Variants in DMD observed in about 807,000 individuals in gnomAD.
The protein encoded by DMD is dystrophin, also known as mutant dystrophin.
A neutral mutation model predicts 330.1 loss-of-function variants in DMD; 63 were observed. The observed-to-expected ratio is 0.19, with a 90% CI of 0.16 to 0.24. The LOEUF is 0.24. Among genes scored for constraint, DMD ranks in the 10% least tolerant of loss-of-function variants. DMD has a pLI of 1.00. For missense variants in DMD, 3,344 were observed against 2,684.1 expected, an observed-to-expected ratio of 1.25 and a Z score of -5.43; for synonymous variants, 1,223 against 959.8, an observed-to-expected ratio of 1.27 and a Z score of -5.07.
At chrX:32,271,581 G>A (rs2097365250) in intron 43 of DMD, among the ~76,000 whole-genome samples, 1 of 112,856 alleles carries the variant, frequency 8.9e-6, no homozygotes, top group Non-Finnish European at 1.9e-5. Context: ...TAAAGCGTTA[G>A]AATTTCATAA....
intron 60 of DMD, among the ~76,000 whole-genome samples, chrX:31,378,263 C>T (rs990017197): frequency 1.8e-5 from 2 of 111,583 alleles, no homozygotes; most frequent in Non-Finnish European, 3.8e-5. Context: ...GATCCACCTA[C>T]GACCTCTGGT....
At chrX:32,960,840 T>C (rs1448772942) in intron 2 of DMD, among the ~76,000 whole-genome samples, 1 of 101,041 alleles carries the variant, frequency 9.9e-6, no homozygotes, top group Non-Finnish European at 2.0e-5. Flanking sequence ...GGTCACATCA[T>C]ATAGATAAAA....
intron 2 of DMD, among the ~76,000 whole-genome samples, chrX:33,018,542 G>C (rs1345641408): frequency 9.0e-6 from 1 of 111,587 alleles, no homozygotes. Context: ...ACAGAGCGAA[G>C]ATCTATTTCA....
At chrX:31,313,425 C>A (rs2055700091) in intron 62 of DMD, among the ~76,000 whole-genome samples, 1 of 111,762 alleles carries the variant, frequency 8.9e-6, no homozygotes, top group Non-Finnish European at 1.9e-5. Context: ...GGATTGGCCA[C>A]ATTTGGTTAT....
chrX:31,694,814 A>G (rs1486216368), intron 52 of DMD, among the ~76,000 whole-genome samples: 1 of 108,574 alleles, frequency 9.2e-6, no homozygotes, highest in Non-Finnish European at 1.9e-5. Context: ...CTTATCCACT[A>G]TTGGTAGTAT....
At chrX:33,137,395 G>C (rs1456168090) in intron 1 of DMD, among the ~76,000 whole-genome samples, 4 of 111,706 alleles carry the variant, frequency 3.6e-5, no homozygotes, top group Admixed American at 9.6e-5. Flanking sequence ...TGTGGTTTCA[G>C]CTTCTAGTTT....
chrX:33,308,292 C>A (rs780249381), intron 1 of DMD, among the ~76,000 whole-genome samples: 3 of 112,081 alleles, frequency 2.7e-5, no homozygotes, highest in South Asian at 7.4e-4. Context: ...CCAGTCTTTG[C>A]CCAACTTTGG....
rs186227285 is a variant in DMD, at chrX:31,944,803, T to C, written c.6615-12576A>G. On this transcript the variant is annotated intron_variant, in intron 45 of 78. Coordinates refer to ENST00000357033, the MANE Select transcript of DMD (RefSeq NM_004006.3). Reference sequence around the variant, plus strand: ...GATTACAGGCGTGAGGCACCGCGCCTGGCCAAGATAATTTTTTTTGTAGAA... The same window carrying C: ...GATTACAGGCGTGAGGCACCGCGCCCGGCCAAGATAATTTTTTTTGTAGAA... Among the ~76,000 whole-genome samples, 407 of 110,745 alleles carry C rather than the reference T, an allele frequency of 3.7e-3. 1 individual carries two copies. The highest frequency in any genetic ancestry group is 5.7e-3 in the Non-Finnish European group (302 of 52,822).
intron 44 of DMD, among the ~76,000 whole-genome samples, chrX:32,115,029 T>G (rs1242100909): frequency 8.9e-6 from 1 of 112,372 alleles, no homozygotes; most frequent in East Asian, 2.8e-4. Flanking sequence ...TTTTTGATTC[T>G]ATCATGAAGG....
chrX:32,854,588 G>GAC (rs2081391378), intron 2 of DMD, among the ~76,000 whole-genome samples: 1 of 95,733 alleles, frequency 1.0e-5, no homozygotes, highest in African/African-American at 4.0e-5. Context: ...AAAAAAAAAA[G>GAC]AGAAACAATA....
intron 11 of DMD, among the ~76,000 whole-genome samples, chrX:32,639,487 T>A (rs1270118003): frequency 8.9e-6 from 1 of 112,657 alleles, no homozygotes; most frequent in African/African-American, 3.2e-5. Context: ...AGTTTTCTCA[T>A]TTAAATCATA....
chrX:32,210,153 G>T (rs768259216), intron 44 of DMD, among the ~76,000 whole-genome samples: 2 of 111,885 alleles, frequency 1.8e-5, no homozygotes, highest in African/African-American at 3.2e-5. Flanking sequence ...ACTTTGAAAA[G>T]CTCATTTTAA....
intron 26 of DMD, among the ~76,000 whole-genome samples, chrX:32,450,131 T>A (rs774910846): frequency 4.1e-4 from 46 of 110,951 alleles, no homozygotes; most frequent in Admixed American, 1.1e-3. Context: ...TGGGATTCAG[T>A]GGCCACAGAA....
chrX:32,529,119 G>A (rs1163077253), intron 17 of DMD, among the ~76,000 whole-genome samples: 1 of 105,697 alleles, frequency 9.5e-6, no homozygotes, highest in Non-Finnish European at 1.9e-5. Context: ...TAGAGACGGG[G>A]TTTCACTGTT....
intron 2 of DMD, among the ~76,000 whole-genome samples, chrX:32,887,609 G>A (rs1241065375): frequency 1.9e-5 from 2 of 106,240 alleles, no homozygotes; most frequent in African/African-American, 6.9e-5. Context: ...TTAGCCGGTC[G>A]TTGTGGTGAG....
intron 49 of DMD, among the ~76,000 whole-genome samples, chrX:31,822,780 G>T (rs777424607): frequency 1.7e-4 from 18 of 107,489 alleles, no homozygotes; most frequent in Non-Finnish European, 2.9e-4. Flanking sequence ...GTTTCTTCCA[G>T]TTGTGGGATA....
At chrX:32,661,483 C>T (rs193173688) in intron 9 of DMD, among the ~76,000 whole-genome samples, 91 of 111,461 alleles carry the variant, frequency 8.2e-4, no homozygotes, top group South Asian at 2.6e-3. Context: ...ATCTGTCTCA[C>T]GAAATCCTGA....
chrX:31,940,115 T>C (rs968078551), intron 45 of DMD, among the ~76,000 whole-genome samples: 4 of 110,715 alleles, frequency 3.6e-5, no homozygotes, highest in African/African-American at 1.3e-4. Flanking sequence ...GATAAAGAAA[T>C]AAAATCTATA....
chrX:32,058,493 A>T (rs1328077986), intron 44 of DMD, among the ~76,000 whole-genome samples: 2 of 108,362 alleles, frequency 1.8e-5, no homozygotes, highest in African/African-American at 6.7e-5. Context: ...GATGTTCAAC[A>T]TCACTAACTA....
Sources: allele counts gnomAD v4.1 joint callset (sites outside exome capture counted in the v4.1 genomes callset), GRCh38; gene constraint gnomAD v4.1.1; transcripts MANE v1.5; gene names NCBI Gene and HGNC (gene_info 2026-07-23, HGNC 2026-07-21).